KCNK9: variants seen among roughly 807,000 people sequenced by gnomAD.
KCNK9 encodes the protein potassium two pore domain channel subfamily K member 9.
In KCNK9, 1 loss-of-function variant was observed where a neutral mutation model predicts 10.8. The observed-to-expected ratio is 0.09, with a 90% CI of 0.03 to 0.44. The LOEUF (loss-of-function observed/expected upper bound fraction) is 0.44, where lower values mean the gene tolerates loss of function less well. Among genes scored for constraint, KCNK9 ranks in the 20% least tolerant of loss-of-function variants. The pLI is 0.97. For synonymous variants in KCNK9, 231 were observed against 222.7 expected (o/e 1.04, Z -0.33); for missense variants, 303 against 515.0 (o/e 0.59, Z 3.98).
At chr8:139,672,146 A>G (rs1029718324) in intron 1 of KCNK9, among the ~76,000 whole-genome samples, 3 of 152,098 alleles carry the variant, frequency 2.0e-5, no homozygotes, top group African/African-American at 7.2e-5. Flanking sequence ...TCCTCACTCC[A>G]ATCCCTCGCT....
At chr8:139,700,516 GCGCGCACACACACACACACACA>G (rs1479969494) in intron 1 of KCNK9, among the ~76,000 whole-genome samples, 12 of 137,802 alleles carry the variant, frequency 8.7e-5, no homozygotes, top group African/African-American at 3.4e-4. Flanking sequence ...ACACGCGCGC[GCGCGCACACACACACACACACA>G]CGCGCGCACA....
At chr8:139,604,863 G>A (rs909580414) in intron 2 of KCNK9, among the ~76,000 whole-genome samples, 56 of 152,238 alleles carry the variant, frequency 3.7e-4, no homozygotes, top group Middle Eastern at 3.4e-3. Flanking sequence ...GGCTTTGTGT[G>A]GCCAGGTTCA....
At chr8:139,611,550 G>C (rs779981249), downstream of KCNK9, 2 of 152,332 alleles carry the variant, frequency 1.3e-5, no homozygotes, top group South Asian at 4.1e-4. Context: ...TCCACCAGAA[G>C]TGTTGCCACA....
exon 3 of KCNK9, chr8:139,601,352 T>A (rs1456799216): frequency 6.6e-6 from 1 of 152,220 alleles, no homozygotes; most frequent in East Asian, 1.9e-4. Context: ...TTTGGATGAA[T>A]GAGTCGGCTC....
intron 1 of KCNK9, among the ~76,000 whole-genome samples, chr8:139,625,181 C>T (rs1814930107): frequency 6.6e-6 from 1 of 152,134 alleles, no homozygotes; most frequent in African/African-American, 2.4e-5. Flanking sequence ...CCCCCAAGTG[C>T]CCATGTGGAT....
intron 1 of KCNK9, among the ~76,000 whole-genome samples, chr8:139,621,909 T>C (rs1814794673): frequency 6.6e-6 from 1 of 152,228 alleles, no homozygotes; most frequent in Non-Finnish European, 1.5e-5. Context: ...ACATGTGATA[T>C]ATTTACTGGA....
intron 1 of KCNK9, among the ~76,000 whole-genome samples, chr8:139,679,095 C>A (rs748627809): frequency 4.6e-5 from 7 of 152,206 alleles, no homozygotes; most frequent in Non-Finnish European, 8.8e-5. Flanking sequence ...CCCCTCAGCC[C>A]CTTCCCTTCT....
chr8:139,676,726 G>A (rs978984360), intron 1 of KCNK9, among the ~76,000 whole-genome samples: 2 of 152,170 alleles, frequency 1.3e-5, no homozygotes, highest in African/African-American at 2.4e-5. Flanking sequence ...CAAGGCAGGT[G>A]GATCACATGA....
At chr8:139,627,190 G>A (rs1249993665) in intron 1 of KCNK9, among the ~76,000 whole-genome samples, 1 of 152,182 alleles carries the variant, frequency 6.6e-6, no homozygotes, top group Non-Finnish European at 1.5e-5. Context: ...GCCTCCTCCA[G>A]TGGCACAGCA....
intron 1 of KCNK9, among the ~76,000 whole-genome samples, chr8:139,634,290 C>T (rs878958772): frequency 3.5e-4 from 53 of 152,220 alleles, no homozygotes; most frequent in African/African-American, 1.3e-3. Context: ...CAAGCAGCTC[C>T]AGTTACTGGC....
At chr8:139,666,715 A>G (rs1412000339) in intron 1 of KCNK9, among the ~76,000 whole-genome samples, 1 of 152,276 alleles carries the variant, frequency 6.6e-6, no homozygotes, top group African/African-American at 2.4e-5. Context: ...GGCTGCATGG[A>G]AAGCTCTAGA....
chr8:139,701,794 G>A (rs1817226680), intron 1 of KCNK9, among the ~76,000 whole-genome samples: 1 of 152,150 alleles, frequency 6.6e-6, no homozygotes, highest in African/African-American at 2.4e-5. Flanking sequence ...TATAACGTCC[G>A]GGAGTCCTCC....
chr8:139,664,430 C>T (rs946396459), intron 1 of KCNK9, among the ~76,000 whole-genome samples: 4 of 151,960 alleles, frequency 2.6e-5, no homozygotes, highest in Non-Finnish European at 4.4e-5. Context: ...TACACAGCCT[C>T]TAGGCCTTAA....
intron 1 of KCNK9, among the ~76,000 whole-genome samples, chr8:139,657,983 C>A (rs1477103878): frequency 1.3e-5 from 2 of 152,164 alleles, no homozygotes; most frequent in African/African-American, 4.8e-5. Flanking sequence ...GTAGGGTGGG[C>A]AGATATATGG....
chr8:139,624,725 G>T (rs1026924228), intron 1 of KCNK9, among the ~76,000 whole-genome samples: 2 of 152,312 alleles, frequency 1.3e-5, no homozygotes, highest in East Asian at 3.9e-4. Context: ...GCTAAGTGAA[G>T]CCAGCCCTAG....
rs1816600216 is a variant in KCNK9, at chr8:139,677,960, A to ATG, written c.283+24749_283+24750insCA. Among the ~76,000 whole-genome samples, 51 of 124,752 alleles carry ATG rather than the reference A, an allele frequency of 4.1e-4. 1 individual carries two copies. Among genetic ancestry groups the ATG allele is most frequent in the African/African-American group, 1.6e-3 (46 of 28,594 alleles). 81.8% of individuals were successfully genotyped at this position (124,752 alleles called of 152,430 possible). A position where few individuals can be genotyped will look rare whatever the true frequency, so the allele number is the denominator to read the frequency against. On this transcript the variant is annotated intron_variant, in intron 1 of 1. Transcript: ENST00000520439. ...ACATCTCAGCCCAATGAGTCCCTAC[A>ATG]GCTGCAGAGTAATACCTCACATCCC...
At chr8:139,606,443 A>G (rs970122699) in intron 2 of KCNK9, among the ~76,000 whole-genome samples, 3 of 152,148 alleles carry the variant, frequency 2.0e-5, no homozygotes, top group African/African-American at 7.2e-5. Context: ...CACATACCCC[A>G]GATGGATGCA....
At chr8:139,650,885 C>A (rs1038036792) in intron 1 of KCNK9, among the ~76,000 whole-genome samples, 29 of 152,208 alleles carry the variant, frequency 1.9e-4, no homozygotes, top group African/African-American at 7.0e-4. Context: ...CCCCTTGACA[C>A]CCCCGGAAGT....
At position 139,618,611 on chromosome 8, in the gene KCNK9, C is replaced by T. The variant is rs751853669; in HGVS notation, c.772G>A (p.Ala258Thr). 1.2e-6 allele frequency: 2 copies of T among 1,614,118 alleles called. No homozygotes were observed. Among genetic ancestry groups the T allele is most frequent in the South Asian group, 1.1e-5 (1 of 91,088 alleles). Reference protein sequence around the residue: ...TMNSEDERRDAEERASLAGNR... With the variant: ...TMNSEDERRDTEERASLAGNR... Reference sequence around the variant, plus strand: ...CCGGCGAGGGATGCCCTCTCTTCAGCATCCCGCCGCTCATCCTCACTGTTC... The same window carrying T: ...CCGGCGAGGGATGCCCTCTCTTCAGTATCCCGCCGCTCATCCTCACTGTTC... The change falls in exon 2 of 2, where the codon GCT becomes ACT. Residue 258 changes from alanine (A) to threonine (T), a missense_variant. Ala to Thr is a moderately conservative substitution (Grantham distance 58). Coordinates refer to ENST00000520439, the MANE Select transcript of KCNK9 (RefSeq NM_001282534.2). The surrounding 1 kb of genome is among the most constrained non-coding windows in gnomAD (Gnocchi z 7.9).
Sources: allele counts gnomAD v4.1 joint callset (sites outside exome capture counted in the v4.1 genomes callset), GRCh38; gene constraint gnomAD v4.1.1; non-coding constraint Gnocchi (gnomAD v3.1); transcripts MANE v1.5; gene names NCBI Gene and HGNC (gene_info 2026-07-23, HGNC 2026-07-21).